The following CNTNAP2 variants were observed in gnomAD, a reference collection of about 807,000 sequenced individuals.
CNTNAP2 encodes contactin-associated protein-like 2.
Under a neutral mutation model 155.2 loss-of-function variants are expected in CNTNAP2, and 98 were observed. The ratio of observed to expected loss-of-function variants is 0.63; its 90% CI spans 0.54 to 0.75. The LOEUF (loss-of-function observed/expected upper bound fraction) is 0.75, where lower values mean the gene tolerates loss of function less well. Ranked by LOEUF, CNTNAP2 falls within the 30% of genes least tolerant of loss-of-function variation. CNTNAP2 has a pLI of 0.00. For synonymous variants in CNTNAP2, 651 were observed against 631.2 expected (o/e 1.03, Z -0.47); for missense variants, 1,727 against 1,688.1 (o/e 1.02, Z -0.40).
intron 21 of CNTNAP2, among the ~76,000 whole-genome samples, chr7:148,341,661 G>A (rs1283493042): frequency 6.6e-6 from 1 of 152,146 alleles, no homozygotes; most frequent in Non-Finnish European, 1.5e-5. Flanking sequence ...TACTACCTTA[G>A]TAGTATAGAA....
In CNTNAP2 at chr7:148,172,258, G is replaced by T; in HGVS notation, c.2790G>T (p.Gln930His). 1 of 1,613,922 alleles carries T rather than the reference G, an allele frequency of 6.2e-7. No individual in the cohort carries two copies. The highest frequency in any genetic ancestry group is 8.5e-7 in the Non-Finnish European group (1 of 1,180,010). Residue 930 changes from glutamine to histidine, a missense_variant, in exon 18 of 24, where the codon CAG becomes CAT. Physicochemically the swap from Gln to His is conservative, Grantham distance 24. Transcript: ENST00000361727. ...SQLFVGGAGG[Q>H]QGFLGCIRSL... ...CATTCCCAGGTGGTGCTGGGGGCCA[G>T]CAGGGCTTCCTGGGCTGCATCCGCT...
intron 20 of CNTNAP2, among the ~76,000 whole-genome samples, chr7:148,252,581 T>G (rs1315360730): frequency 6.6e-6 from 1 of 152,140 alleles, no homozygotes. Context: ...ATTGACTATT[T>G]CAGGGTCGGG....
chr7:146,987,547 A>C (rs778044899), intron 3 of CNTNAP2, among the ~76,000 whole-genome samples: 1 of 152,158 alleles, frequency 6.6e-6, no homozygotes, highest in African/African-American at 2.4e-5. Flanking sequence ...AAAATGGATT[A>C]GTTTGCAAAA....
At chr7:146,695,162 CTCTT>C (rs1420751463) in intron 1 of CNTNAP2, among the ~76,000 whole-genome samples, 1 of 152,010 alleles carries the variant, frequency 6.6e-6, no homozygotes, top group Non-Finnish European at 1.5e-5. Flanking sequence ...CTTGTTCTCT[CTCTT>C]AGGGGGAAAG....
chr7:148,217,671 T>C, intron 19 of CNTNAP2, 147 bp downstream of exon 19: 5 of 872,188 alleles, frequency 5.7e-6, no homozygotes, highest in South Asian at 1.5e-5. Context: ...ACCCCATTTC[T>C]CTCCATGAAT....
intron 12 of CNTNAP2, among the ~76,000 whole-genome samples, chr7:147,592,530 A>G (rs1563012543): frequency 7.0e-6 from 1 of 141,968 alleles, no homozygotes; most frequent in South Asian, 2.2e-4. Flanking sequence ...CTTTTTTTAT[A>G]CTTTTCTGTA....
chr7:146,780,967 G>T (rs1049194775), intron 2 of CNTNAP2, among the ~76,000 whole-genome samples: 1 of 152,136 alleles, frequency 6.6e-6, no homozygotes. Flanking sequence ...GGTGGCTCAC[G>T]CCTGTAATCC....
intron 14 of CNTNAP2, among the ~76,000 whole-genome samples, chr7:147,923,382 G>A (rs1049337704): frequency 6.6e-6 from 1 of 152,158 alleles, no homozygotes; most frequent in African/African-American, 2.4e-5. Context: ...AGAACACCAC[G>A]TTGGGAGGGA....
At chr7:147,445,376 T>G (rs529774142) in intron 10 of CNTNAP2, among the ~76,000 whole-genome samples, 2 of 152,300 alleles carry the variant, frequency 1.3e-5, no homozygotes, top group East Asian at 3.9e-4. Context: ...CCTTTACAGG[T>G]AGGATTCACT....
intron 18 of CNTNAP2, among the ~76,000 whole-genome samples, chr7:148,173,149 G>A (rs149606012): frequency 3.3e-5 from 5 of 151,968 alleles, no homozygotes; most frequent in African/African-American, 9.7e-5. Context: ...AATGAGCAGA[G>A]TACAAGAGCC....
Position 146,976,486 on chromosome 7 carries a change from T to C in CNTNAP2, c.403-67421T>C, listed in dbSNP as rs10245927. 4.2e-3 allele frequency among the ~76,000 whole-genome samples: 637 copies of C among 152,274 alleles called. 7 individuals are homozygous for C. Among genetic ancestry groups the C allele is most frequent in the African/African-American group, 0.015 (604 of 41,566 alleles). On this transcript the variant is annotated intron_variant, in intron 3 of 23. Coordinates refer to ENST00000361727, the MANE Select transcript of CNTNAP2 (RefSeq NM_014141.6). ...CACCTCCTCCTTGGGTTTGATTAAT[T>C]TGCTAGAGTGGCTTACAGAACTCAG...
intron 13 of CNTNAP2, among the ~76,000 whole-genome samples, chr7:147,642,985 C>G (rs1240967645): frequency 6.6e-6 from 1 of 152,132 alleles, no homozygotes; most frequent in Non-Finnish European, 1.5e-5. Context: ...GAGTGTGCAT[C>G]AAAATTTTTA....
At chr7:147,025,506 C>T (rs376711752) in intron 3 of CNTNAP2, among the ~76,000 whole-genome samples, 2 of 26,786 alleles carry the variant, frequency 7.5e-5, no homozygotes, top group African/African-American at 3.7e-4. Context: ...GGGAGGGGGA[C>T]GGGGAGAAGA....
chr7:147,531,726 G>A (rs1799434231), intron 11 of CNTNAP2, among the ~76,000 whole-genome samples: 1 of 145,358 alleles, frequency 6.9e-6, no homozygotes, highest in Admixed American at 7.1e-5. Flanking sequence ...TGGTCTTGGG[G>A]ATAACATTAG....
intron 20 of CNTNAP2, among the ~76,000 whole-genome samples, chr7:148,242,170 T>C (rs1796169686): frequency 1.3e-5 from 2 of 152,226 alleles, no homozygotes; most frequent in African/African-American, 4.8e-5. Context: ...GTTATATCCA[T>C]CTGCAGTGCA....
At chr7:147,710,442 T>A (rs1396987420) in intron 13 of CNTNAP2, among the ~76,000 whole-genome samples, 1 of 152,186 alleles carries the variant, frequency 6.6e-6, no homozygotes. Context: ...ATTTATCTTT[T>A]CAAGAATCCT....
chr7:146,686,286 C>G (rs148836173), intron 1 of CNTNAP2, among the ~76,000 whole-genome samples: 196 of 151,244 alleles, frequency 1.3e-3, no homozygotes, highest in African/African-American at 4.4e-3. Context: ...CAGAGTGAGA[C>G]CCTGTCTCAA....
chr7:146,555,456 T>C (rs1798183289), intron 1 of CNTNAP2, among the ~76,000 whole-genome samples: 1 of 152,004 alleles, frequency 6.6e-6, no homozygotes, highest in Non-Finnish European at 1.5e-5. Context: ...TATTTATCGA[T>C]TTATCCATCT....
At chr7:147,239,999 T>C (rs1472998205) in intron 8 of CNTNAP2, among the ~76,000 whole-genome samples, 1 of 152,204 alleles carries the variant, frequency 6.6e-6, no homozygotes, top group African/African-American at 2.4e-5. Context: ...GGTGTATCCA[T>C]CCTGCAAGTA....
Sources: allele counts gnomAD v4.1 joint callset (sites outside exome capture counted in the v4.1 genomes callset), GRCh38; gene constraint gnomAD v4.1.1; transcripts MANE v1.5; gene names NCBI Gene and HGNC (gene_info 2026-07-23, HGNC 2026-07-21).